STXBP5: variants seen among roughly 807,000 people sequenced by gnomAD.
The protein encoded by STXBP5 is syntaxin binding protein 5, also known as syntaxin-binding protein 5.
Under a neutral mutation model 152.4 loss-of-function variants are expected in STXBP5, and 50 were observed. The ratio of observed to expected loss-of-function variants is 0.33; its 90% CI spans 0.26 to 0.42. The LOEUF is 0.42. Among genes scored for constraint, STXBP5 ranks in the 10% least tolerant of loss-of-function variants. The pLI, the probability that STXBP5 is intolerant of heterozygous loss-of-function variation, is 1.00. For missense variants in STXBP5, 1,167 were observed against 1,388.6 expected (o/e 0.84, Z 2.54); for synonymous variants, 492 against 494.7 (o/e 0.99, Z 0.07).
intron 19 of STXBP5, among the ~76,000 whole-genome samples, chr6:147,337,215 A>ACACACACACACACAC (rs1562254604): frequency 5.5e-5 from 2 of 36,494 alleles, no homozygotes; most frequent in African/African-American, 1.0e-4. Flanking sequence ...ACACACACAC[A>ACACACACACACACAC]AGAAGTCATG....
chr6:147,329,486 A>G (rs983682050), intron 18 of STXBP5, among the ~76,000 whole-genome samples: 8 of 150,974 alleles, frequency 5.3e-5, no homozygotes, highest in African/African-American at 1.9e-4. Flanking sequence ...AATATTTGAA[A>G]TAAAATTAAA....
At chr6:147,360,498 G>A (rs1785014873) in intron 23 of STXBP5, among the ~76,000 whole-genome samples, 1 of 151,756 alleles carries the variant, frequency 6.6e-6, no homozygotes, top group African/African-American at 2.4e-5. Context: ...TTAAACTTTG[G>A]GATCTTGTGT....
At chr6:147,278,300 G>T in intron 8 of STXBP5, 96 bp downstream of exon 8, 1 of 1,229,208 alleles carries the variant, frequency 8.1e-7, no homozygotes. Context: ...TGATTTTTAG[G>T]ATAAGGATGG....
rs201589882 is a variant in STXBP5 at position 147,271,246 on chromosome 6, GA to G, written c.714+4086del. 8.6e-5 allele frequency among the ~76,000 whole-genome samples: 13 copies of G among 151,922 alleles called. No individual in the cohort carries two copies. In the East Asian group the frequency reaches 2.1e-3, roughly 25 times the overall value. On this transcript the variant is annotated intron_variant, in intron 7 of 27. Coordinates refer to ENST00000321680, the MANE Select transcript of STXBP5 (RefSeq NM_001127715.4). ...CACTTTTAAAGATACAGATATGTTG[GA>G]AAAAAAGATAGATGGAAAAAGTAAT...
chr6:147,357,954 C>T (rs1048500220), intron 22 of STXBP5, among the ~76,000 whole-genome samples: 2 of 152,058 alleles, frequency 1.3e-5, no homozygotes, highest in Non-Finnish European at 2.9e-5. Flanking sequence ...GGGCTTGAGA[C>T]AAGCTTGGGA....
intron 8 of STXBP5, among the ~76,000 whole-genome samples, chr6:147,284,173 C>A (rs1240713560): frequency 6.6e-6 from 1 of 152,068 alleles, no homozygotes; most frequent in Non-Finnish European, 1.5e-5. Flanking sequence ...GGACTAGATA[C>A]ATTTTACGTG....
chr6:147,268,675 T>A (rs1241163820), intron 7 of STXBP5, among the ~76,000 whole-genome samples: 6 of 152,206 alleles, frequency 3.9e-5, no homozygotes, highest in African/African-American at 1.2e-4. Flanking sequence ...AAGCAGATTT[T>A]AAAAATTGAA....
rs373903316 is a variant in STXBP5 at position 147,206,843 on chromosome 6, C to T, written c.248+775C>T. On this transcript the variant is annotated intron_variant, in intron 2 of 27. Coordinates refer to ENST00000321680, the MANE Select transcript of STXBP5 (RefSeq NM_001127715.4). ...TTTTTAGTGAGAACAGTACAGACGACTCACTTTCTATTTTTATGTTGAAAT... is the reference window on the plus strand; with the variant it reads ...TTTTTAGTGAGAACAGTACAGACGATTCACTTTCTATTTTTATGTTGAAAT... 1.0e-3 allele frequency among the ~76,000 whole-genome samples: 152 copies of T among 152,068 alleles called. 5 individuals carry two copies. The South Asian group carries it at 0.027, about 27-fold the overall frequency.
At chr6:147,259,935 A>T (rs1779564615) in intron 4 of STXBP5, among the ~76,000 whole-genome samples, 1 of 152,158 alleles carries the variant, frequency 6.6e-6, no homozygotes, top group African/African-American at 2.4e-5. Flanking sequence ...CATGTAAATT[A>T]TTGTAATTTG....
intron 2 of STXBP5, among the ~76,000 whole-genome samples, chr6:147,225,737 T>C (rs1273246511): frequency 1.3e-5 from 2 of 152,212 alleles, no homozygotes; most frequent in Admixed American, 6.5e-5. Flanking sequence ...GCCCATGGCC[T>C]GTTTATTTTA....
At chr6:147,271,318 A>T (rs1780157211) in intron 7 of STXBP5, among the ~76,000 whole-genome samples, 1 of 152,170 alleles carries the variant, frequency 6.6e-6, no homozygotes, top group African/African-American at 2.4e-5. Flanking sequence ...ATTAATATCA[A>T]CCAAGTAGGT....
At chr6:147,263,257 A>T (rs541964909) in intron 6 of STXBP5, among the ~76,000 whole-genome samples, 40 of 151,704 alleles carry the variant, frequency 2.6e-4, no homozygotes, top group African/African-American at 9.4e-4. Flanking sequence ...ATGGTAGGAG[A>T]GTTCAAAACT....
intron 7 of STXBP5, among the ~76,000 whole-genome samples, chr6:147,276,535 C>T (rs1171019905): frequency 6.6e-6 from 1 of 152,046 alleles, no homozygotes; most frequent in East Asian, 1.9e-4. Context: ...TACATTTATA[C>T]ATGATACTAT....
chr6:147,252,994 A>G (rs530281916), intron 4 of STXBP5, among the ~76,000 whole-genome samples: 1 of 152,316 alleles, frequency 6.6e-6, no homozygotes, highest in South Asian at 2.1e-4. Flanking sequence ...ACAACCTTTC[A>G]GAGACACAAC....
At chr6:147,285,673 T>C (rs1780925245) in intron 8 of STXBP5, among the ~76,000 whole-genome samples, 1 of 152,034 alleles carries the variant, frequency 6.6e-6, no homozygotes, top group Non-Finnish European at 1.5e-5. Context: ...TAGAACACAA[T>C]AGAGCAATAT....
chr6:147,263,247 A>G (rs888666617), intron 6 of STXBP5, among the ~76,000 whole-genome samples: 13 of 151,934 alleles, frequency 8.6e-5, no homozygotes, highest in Admixed American at 6.6e-5. Context: ...AATGGGAGGC[A>G]TGGTAGGAGA....
rs565148422 is a variant in STXBP5, at chr6:147,209,071, A to G, written c.248+3003A>G. Among the ~76,000 whole-genome samples the G allele has an allele frequency of 3.3e-5, 5 of 152,166 alleles. No homozygotes were observed. In the East Asian group the frequency reaches 5.8e-4, roughly 18 times the overall value. ...CTTCTGATTTACTACTAAAATTTCAAATTGCTTCATACTTTAATCATGGGT... is the reference window on the plus strand; with the variant it reads ...CTTCTGATTTACTACTAAAATTTCAGATTGCTTCATACTTTAATCATGGGT... On this transcript the variant is annotated intron_variant, in intron 2 of 27. Coordinates refer to ENST00000321680, the MANE Select transcript of STXBP5 (RefSeq NM_001127715.4).
At chr6:147,246,813 GA>G (rs1562435751) in intron 4 of STXBP5, among the ~76,000 whole-genome samples, 1 of 151,880 alleles carries the variant, frequency 6.6e-6, no homozygotes, top group Non-Finnish European at 1.5e-5. Flanking sequence ...TCCTCTCATG[GA>G]AAAAAACAAC....
intron 2 of STXBP5, among the ~76,000 whole-genome samples, chr6:147,219,767 C>T (rs1194407641): frequency 6.9e-6 from 1 of 144,912 alleles, no homozygotes; most frequent in Non-Finnish European, 1.5e-5. Context: ...TTTGTGTCCC[C>T]TCTCCTTTTT....
Sources: allele counts gnomAD v4.1 joint callset (sites outside exome capture counted in the v4.1 genomes callset), GRCh38; gene constraint gnomAD v4.1.1; transcripts MANE v1.5; gene names NCBI Gene and HGNC (gene_info 2026-07-23, HGNC 2026-07-21).